Variants in RESF1 observed in about 807,000 individuals in gnomAD.
RESF1 encodes gonad expressed transcript.
In RESF1, 65 loss-of-function variants were observed where a neutral mutation model predicts 134.7. The observed-to-expected ratio is 0.48, with a 90% CI of 0.40 to 0.59. RESF1 has a LOEUF of 0.59. RESF1 is among the 20% of genes least tolerant of loss of function. The probability of loss-of-function intolerance (pLI) is 0.00; values close to 1 mark genes in which losing one functional copy is unlikely to be tolerated. For synonymous variants in RESF1, 762 were observed against 702.2 expected (o/e 1.09, Z -1.35); for missense variants, 2,274 against 2,002.7 (o/e 1.14, Z -2.59).
intron 3 of RESF1, among the ~76,000 whole-genome samples, chr12:31,975,267 A>G (rs1399385785): frequency 3.3e-5 from 5 of 152,156 alleles, no homozygotes; most frequent in Non-Finnish European, 2.9e-5. Context: ...TCCATCTGAA[A>G]AAAAAAGAAA....
At position 31,967,279 on chromosome 12, in the gene RESF1, C is replaced by T. The variant is rs566463063; in HGVS notation, c.-246-2910C>T. Among the ~76,000 whole-genome samples the T allele has an allele frequency of 2.6e-5, 4 of 152,274 alleles. No individual in the cohort carries two copies. The South Asian group carries it at 8.3e-4, about 32-fold the overall frequency. Reference sequence around the variant, plus strand: ...AGAAGCATAGAGAACTGTTCTGCCCCTTCTAACCACTGTGCTGCAAGAGGG... The same window carrying T: ...AGAAGCATAGAGAACTGTTCTGCCCTTTCTAACCACTGTGCTGCAAGAGGG... On this transcript the variant is annotated intron_variant, in intron 2 of 5. Transcript: ENST00000312561.
At chr12:31,989,327 C>G (rs953224817) in intron 5 of RESF1, among the ~76,000 whole-genome samples, 1 of 139,806 alleles carries the variant, frequency 7.2e-6, no homozygotes, top group Non-Finnish European at 1.5e-5. Context: ...ACCCAGGAGG[C>G]GGAGCTTGCC....
chr12:31,982,845 G>T lies in RESF1; in HGVS notation c.1890G>T (p.Lys630Asn), dbSNP rs1181667691. Residue 630 changes from lysine (K) to asparagine (N), a missense_variant, in exon 4 of 6, where the codon AAG becomes AAT. Coordinates refer to ENST00000312561, the MANE Select transcript of RESF1 (RefSeq NM_018169.4). ...TQMTGNQLNLKNMETPSTSNV... is the reference protein window; with the variant it reads ...TQMTGNQLNLNNMETPSTSNV... ...TGACTGGTAACCAACTGAATTTGAA[G>T]AACATGGAAACTCCAAGTACTTCTA... 1 of 1,614,124 alleles carries T rather than the reference G, an allele frequency of 6.2e-7. No individual in the cohort carries two copies. The highest frequency in any genetic ancestry group is 1.3e-5 in the African/African-American group (1 of 75,056).
chr12:31,987,948 C>G (rs187602973), intron 5 of RESF1, among the ~76,000 whole-genome samples: 1 of 151,914 alleles, frequency 6.6e-6, no homozygotes, highest in Non-Finnish European at 1.5e-5. Flanking sequence ...TTGGCCAGGC[C>G]GGTCCCAAAC....
At chr12:31,963,223 T>C (rs1406184120) in intron 2 of RESF1, among the ~76,000 whole-genome samples, 2 of 151,950 alleles carry the variant, frequency 1.3e-5, no homozygotes, top group East Asian at 3.9e-4. Context: ...CATGCGCCTG[T>C]AGTCCCAGCT....
chr12:31,973,214 A>G (rs1939554177), intron 3 of RESF1, among the ~76,000 whole-genome samples: 1 of 152,160 alleles, frequency 6.6e-6, no homozygotes, highest in Non-Finnish European at 1.5e-5. Context: ...CTAAGAATAC[A>G]TTATATCCAC....
In RESF1 at chr12:31,983,924, G is replaced by A. The variant is rs1178944080; in HGVS notation, c.2969G>A (p.Arg990Lys). 1 of 1,613,798 alleles carries A rather than the reference G, an allele frequency of 6.2e-7. No individual in the cohort carries two copies. The highest frequency in any genetic ancestry group is 2.2e-5 in the East Asian group (1 of 44,884). The change falls in exon 4 of 6, where the codon AGA becomes AAA. Residue 990 changes from arginine to lysine, a missense_variant. By Grantham distance (26) the Arg-to-Lys change is conservative. Coordinates refer to ENST00000312561, the MANE Select transcript of RESF1 (RefSeq NM_018169.4). ...ESSFNNLETN[R>K]VILEKSSLEH... is the part of the protein sequence containing the mutation. ...TCTTTTAACAATCTTGAAACAAACA[G>A]AGTTATTCTAGAGAAAAGTAGTTTG...
Position 31,971,849 on chromosome 12 carries a change from T to C in RESF1, c.-79+1493T>C, listed in dbSNP as rs149504237. 7.9e-5 allele frequency among the ~76,000 whole-genome samples: 12 copies of C among 152,322 alleles called. No individual in the cohort carries two copies. In the East Asian group the frequency reaches 1.7e-3, roughly 22 times the overall value. The stretch of plus-strand genomic sequence containing the variant: ...ATCTTAGTCCATTTTCTGTTACTTA[T>C]AGCAGAATAACTGAAACAGGGGCCT... On this transcript the variant is annotated intron_variant, in intron 3 of 5. Transcript: ENST00000312561.
chr12:31,984,696 T>C lies in RESF1; in HGVS notation c.3741T>C (p.His1247=). The C allele has an allele frequency of 6.3e-7, 1 of 1,591,964 alleles. No individual in the cohort carries two copies. The highest frequency in any genetic ancestry group is 8.5e-7 in the Non-Finnish European group (1 of 1,174,744). The change falls in exon 4 of 6, where the codon CAT becomes CAC. Residue 1247 remains histidine (H), a synonymous_variant. Coordinates refer to ENST00000312561, the MANE Select transcript of RESF1 (RefSeq NM_018169.4). The part of the protein sequence containing the change: ...NPKTPPDGKS[H]FPELQDDSRK... The stretch of plus-strand genomic sequence containing the variant: ...AGACTCCTCCAGATGGGAAAAGTCA[T>C]TTTCCTGAACTACAAGACGACAGTA...
At position 31,985,003 on chromosome 12, in the gene RESF1, C is replaced by A; in HGVS notation, c.4048C>A (p.His1350Asn). The change falls in exon 4 of 6, where the codon CAT (histidine) becomes AAT (asparagine). Residue 1350 changes from histidine to asparagine, a missense_variant. Physicochemically the swap from His to Asn is moderately conservative, Grantham distance 68. Transcript: ENST00000312561. ...FLPNKDVYKK[H>N]SSLGQSLSPE... ...GCCAAATAAAGATGTGTATAAGAAG[C>A]ATAGTTCTTTGGGACAGTCATTATC... 4 of 1,606,732 alleles carry A rather than the reference C, an allele frequency of 2.5e-6. No homozygotes were observed. Among genetic ancestry groups the A allele is most frequent in the Non-Finnish European group, 3.4e-6 (4 of 1,178,254 alleles).
chr12:31,978,711 AATTTTTTTTTTTT>A (rs1434887326), intron 3 of RESF1, among the ~76,000 whole-genome samples: 1 of 97,824 alleles, frequency 1.0e-5, no homozygotes, highest in Non-Finnish European at 2.0e-5. Context: ...ACACCCAGCT[AATTTTTTTTTTTT>A]TTTTTTTTTG....
At chr12:31,960,731 A>G (rs1214386572) in intron 1 of RESF1, 46 bp from the exon 2 acceptor site, 1 of 152,258 alleles carries the variant, frequency 6.6e-6, no homozygotes, top group African/African-American at 2.4e-5. Context: ...TAGTAAACAC[A>G]TTAGCATGTG....
Position 31,990,836 on chromosome 12 carries a change from G to A in RESF1, c.5087-1542G>A, listed in dbSNP as rs963090239. Among the ~76,000 whole-genome samples the A allele has an allele frequency of 3.9e-5, 6 of 152,270 alleles. No homozygotes were observed. In the South Asian group the frequency reaches 6.2e-4, roughly 16 times the overall value. On this transcript the variant is annotated intron_variant, in intron 5 of 5. Transcript: ENST00000312561. Reference sequence around the variant, plus strand: ...TGAATTATATACCTTAGACAAAGAGGCTGGAGAACAGTGAACCAACTATGA... The same window carrying A: ...TGAATTATATACCTTAGACAAAGAGACTGGAGAACAGTGAACCAACTATGA...
In RESF1 at chr12:31,985,171, A is replaced by C; in HGVS notation, c.4216A>C (p.Lys1406Gln). The C allele has an allele frequency of 6.4e-6, 10 of 1,560,542 alleles. No homozygotes were observed. Among genetic ancestry groups the C allele is most frequent in the Non-Finnish European group, 8.6e-6 (10 of 1,161,458 alleles). ...EQKGSVGATF[K>Q]LGDSLSNPNE... ...GAAAGGAAGTGTGGGAGCTACATTC[A>C]AATTAGGTGACTCTTTGTCAAACCC... Residue 1406 changes from lysine (K) to glutamine (Q), a missense_variant, in exon 4 of 6, where the codon AAA becomes CAA. Coordinates refer to ENST00000312561, the MANE Select transcript of RESF1 (RefSeq NM_018169.4).
At chr12:31,975,588 T>C (rs4931590) in intron 3 of RESF1, among the ~76,000 whole-genome samples, 4 of 152,124 alleles carry the variant, frequency 2.6e-5, no homozygotes, top group Non-Finnish European at 5.9e-5. Flanking sequence ...GGGAACACAC[T>C]TGTGTGTAAG....
At chr12:31,971,599 A>T (rs1471848088) in intron 3 of RESF1, among the ~76,000 whole-genome samples, 2 of 152,244 alleles carry the variant, frequency 1.3e-5, no homozygotes, top group Non-Finnish European at 2.9e-5. Context: ...TTGGATTGTG[A>T]TATTATGAAA....
chr12:31,984,623 A>G lies in RESF1; in HGVS notation c.3668A>G (p.Asp1223Gly). The G allele has an allele frequency of 6.3e-7, 1 of 1,575,292 alleles. No individual in the cohort carries two copies. The highest frequency in any genetic ancestry group is 8.6e-7 in the Non-Finnish European group (1 of 1,166,178). Residue 1223 changes from aspartate (D) to glycine (G), a missense_variant, in exon 4 of 6, where the codon GAT becomes GGT. Coordinates refer to ENST00000312561, the MANE Select transcript of RESF1 (RefSeq NM_018169.4). The part of the protein sequence containing the change: ...NSCKQGERTS[D>G]RDVTVVQFKS... ...TGTAAACAAGGAGAGAGAACTTCTG[A>G]TAGAGATGTCACTGTTGTTCAATTT...
Position 31,986,100 on chromosome 12 carries a change from G to A in RESF1, c.5002+143G>A, listed in dbSNP as rs1314332353. On this transcript the variant is annotated intron_variant, in intron 4 of 5. Coordinates refer to ENST00000312561, the MANE Select transcript of RESF1 (RefSeq NM_018169.4). ...CACTACCTAGTATTTGTTTTGCCTG[G>A]TAAACCAATGTTTCATTGGGCAATA... The A allele has an allele frequency of 1.1e-5, 5 of 447,538 alleles. 1 individual carries two copies. Among genetic ancestry groups the A allele is most frequent in the African/African-American group, 8.1e-5 (4 of 49,372 alleles). The allele number at this position is 447,538 out of a possible 1,614,324, so 27.7% of individuals were successfully genotyped here.
Position 31,989,367 on chromosome 12 carries a change from G to T in RESF1, c.5086+2045G>T, listed in dbSNP as rs1940046582. On this transcript the variant is annotated intron_variant, in intron 5 of 5. Coordinates refer to ENST00000312561, the MANE Select transcript of RESF1 (RefSeq NM_018169.4). ...GCCAATATGTCGCCACTGCACTCCAGCCTGGGTGACAGAGAGAGAGTCTTG... is the reference window on the plus strand; with the variant it reads ...GCCAATATGTCGCCACTGCACTCCATCCTGGGTGACAGAGAGAGAGTCTTG... Among the ~76,000 whole-genome samples, 4 of 134,630 alleles carry T rather than the reference G, an allele frequency of 3.0e-5. No individual in the cohort carries two copies. In the South Asian group the frequency reaches 9.5e-4, roughly 32 times the overall value. The allele number at this position is 134,630 out of a possible 152,430, so 88.3% of individuals were successfully genotyped here.
Sources: gnomAD v4.1 joint callset for allele counts (sites outside exome capture counted in the v4.1 genomes callset) on GRCh38, gnomAD v4.1.1 for gene constraint, MANE v1.5 for transcripts, NCBI Gene and HGNC (gene_info 2026-07-23, HGNC 2026-07-21) for gene names.